The following ESPNL variants were observed in gnomAD, a reference collection of about 807,000 sequenced individuals.
ESPNL encodes the protein espin like, also known as espin-like protein.
Under a neutral mutation model 46.8 loss-of-function variants are expected in ESPNL, and 49 were observed. The observed-to-expected ratio is 1.05, with a 90% CI of 0.83 to 1.33. The LOEUF (loss-of-function observed/expected upper bound fraction) is 1.33. Among genes scored for constraint, ESPNL ranks in the 40% most tolerant of loss-of-function variants. ESPNL has a pLI of 0.00. For missense variants in ESPNL, 1,540 were observed against 1,436.6 expected, an observed-to-expected ratio of 1.07 and a Z score of -1.16; for synonymous variants, 664 against 662.1, an observed-to-expected ratio of 1.00 and a Z score of -0.04.
chr2:238,128,958 AG>A, intron 8 of ESPNL, 54 bp downstream of exon 8: 5 of 1,501,870 alleles, frequency 3.3e-6, no homozygotes, highest in Non-Finnish European at 4.4e-6. Flanking sequence ...TTTTCCAGGT[AG>A]GTGGAAGTGG....
intron 5 of ESPNL, among the ~76,000 whole-genome samples, chr2:238,122,761 G>A (rs372847550): frequency 1.3e-5 from 2 of 152,322 alleles, no homozygotes; most frequent in East Asian, 1.9e-4. Context: ...TCCCACTCCC[G>A]GCTTGGTCCT....
At chr2:238,128,960 G>T in intron 8 of ESPNL, 56 bp downstream of exon 8, 1 of 1,498,710 alleles carries the variant, frequency 6.7e-7, no homozygotes, top group Non-Finnish European at 8.9e-7. Flanking sequence ...TTCCAGGTAG[G>T]TGGAAGTGGA....
At chr2:238,129,033 T>C in intron 8 of ESPNL, 129 bp downstream of exon 8, 2 of 1,433,792 alleles carry the variant, frequency 1.4e-6, no homozygotes, top group East Asian at 2.5e-5. Flanking sequence ...CTCTGTGGCC[T>C]CAGCTGCTGC....
chr2:238,109,006 TC>T (rs1408716363), intron 4 of ESPNL, among the ~76,000 whole-genome samples: 2 of 151,686 alleles, frequency 1.3e-5, no homozygotes, highest in African/African-American at 4.8e-5. Flanking sequence ...CCTCTCACCA[TC>T]CCCCGTCCAC....
At chr2:238,124,699 ATGTGTG>A (rs140782945) in intron 5 of ESPNL, among the ~76,000 whole-genome samples, 1 of 64,222 alleles carries the variant, frequency 1.6e-5, no homozygotes, top group African/African-American at 6.6e-5. Context: ...GAGTACGTGC[ATGTGTG>A]TGCAGGAGAG....
intron 2 of ESPNL, among the ~76,000 whole-genome samples, chr2:238,103,488 C>T (rs1691530572): frequency 6.6e-6 from 1 of 152,186 alleles, no homozygotes. Context: ...CGCACACACG[C>T]ACACACAAAT....
Position 238,104,839 on chromosome 2 carries a change from G to T in ESPNL, c.669G>T (p.Trp223Cys). 2.0e-6 allele frequency: 3 copies of T among 1,500,870 alleles called. No individual in the cohort carries two copies. The highest frequency in any genetic ancestry group is 2.7e-6 in the Non-Finnish European group (3 of 1,122,134). 93.0% of individuals were successfully genotyped at this position (1,500,870 alleles called of 1,614,324 possible). A position where few individuals can be genotyped will look rare whatever the true frequency, so the allele number is the denominator to read the frequency against. ...AARGHYSLVV[W>C]LVTFTDIGLT... ...GTGGCCACTACTCCCTCGTCGTCTG[G>T]CTGGTAAGTGGGTGCCAGAGGTGGG... Residue 223 changes from tryptophan (W) to cysteine (C), a missense_variant, in exon 3 of 9, where the codon TGG (tryptophan) becomes TGT (cysteine). Transcript: ENST00000343063.
Position 238,129,125 on chromosome 2 carries a change from T to C in ESPNL, c.1413+221T>C, listed in dbSNP as rs577739103. 9.3e-6 allele frequency: 13 copies of C among 1,404,972 alleles called. No homozygotes were observed. The Admixed American group carries it at 1.5e-4, about 16-fold the overall frequency. 87.0% of individuals were successfully genotyped at this position (1,404,972 alleles called of 1,614,324 possible). A position where few individuals can be genotyped will look rare whatever the true frequency, so the allele number is the denominator to read the frequency against. On this transcript the variant is annotated intron_variant, in intron 8 of 8. Coordinates refer to ENST00000343063, the MANE Select transcript of ESPNL (RefSeq NM_194312.4). ...CTGCTCTGGAGGCATGGGTCCCACG[T>C]ATCCTTCCACTTGGCGGATTTGTGG...
chr2:238,131,311 T>G lies in ESPNL; in HGVS notation c.2597T>G (p.Leu866Arg). The G allele has an allele frequency of 6.3e-7, 1 of 1,584,934 alleles. No homozygotes were observed. The highest frequency in any genetic ancestry group is 8.6e-7 in the Non-Finnish European group (1 of 1,166,390). The change falls in exon 9 of 9, where the codon CTG becomes CGG. Residue 866 changes from leucine to arginine, a missense_variant. Leu to Arg is a moderately radical substitution (Grantham distance 102). Coordinates refer to ENST00000343063, the MANE Select transcript of ESPNL (RefSeq NM_194312.4). ...TTCATGCTGGGTTACTTCCAGCTGC[T>G]GGAGTGCGACCTGCCGGCGGAGGAG... ...DLFMLGYFQL[L>R]ECDLPAEERK... is the part of the protein sequence containing the mutation.
At position 238,102,102 on chromosome 2, in the gene ESPNL, C is replaced by T. The variant is rs1488171347; in HGVS notation, c.456C>T (p.Cys152=). The T allele has an allele frequency of 1.3e-6, 2 of 1,565,650 alleles. No individual in the cohort carries two copies. The highest frequency in any genetic ancestry group is 8.6e-7 in the Non-Finnish European group (1 of 1,156,494). ...CTGCCGTCAGTGGGGACCTGACCTG[C>T]CTCAAGCTCCTGACAGCCGCGCATG... ...HHAAVSGDLT[C]LKLLTAAHGS... Residue 152 remains cysteine (C), a synonymous_variant, in exon 2 of 9, where the codon TGC becomes TGT. Transcript: ENST00000343063.
intron 8 of ESPNL, chr2:238,129,250 G>A (rs1257420234): frequency 4.1e-6 from 5 of 1,206,580 alleles, no homozygotes; most frequent in Admixed American, 4.1e-5. Flanking sequence ...AGGTGTGTGG[G>A]GTGCGATTCC....
At chr2:238,116,343 G>C (rs1390184825) in intron 4 of ESPNL, among the ~76,000 whole-genome samples, 1 of 152,156 alleles carries the variant, frequency 6.6e-6, no homozygotes, top group African/African-American at 2.4e-5. Flanking sequence ...CTGGCCCCAA[G>C]TTGGCTGGGT....
Position 238,131,471 on chromosome 2 carries a change from C to T in ESPNL, c.2757C>T (p.Phe919=), listed in dbSNP as rs568253555. The change falls in exon 9 of 9, where the codon TTC becomes TTT. Residue 919 remains phenylalanine, a synonymous_variant. Transcript: ENST00000343063. Reference sequence around the variant, plus strand: ...GCCGCCGGGCCTGGACCGACGGCTTCGAGGACATCAAAGCCCGCTTCTTTG... The same window carrying T: ...GCCGCCGGGCCTGGACCGACGGCTTTGAGGACATCAAAGCCCGCTTCTTTG... ...AAGRRAWTDG[F]EDIKARFFGS... The T allele has an allele frequency of 1.5e-4, 241 of 1,611,598 alleles. No individual in the cohort carries two copies. The highest frequency in any genetic ancestry group is 1.3e-3 in the South Asian group (121 of 91,012).
chr2:238,105,305 T>A (rs1574727290), intron 3 of ESPNL, among the ~76,000 whole-genome samples: 1 of 151,312 alleles, frequency 6.6e-6, no homozygotes, highest in Non-Finnish European at 1.5e-5. Flanking sequence ...CAGAGCAGAG[T>A]GGCTGAGGTT....
intron 4 of ESPNL, among the ~76,000 whole-genome samples, chr2:238,115,941 G>A (rs754798571): frequency 6.6e-5 from 10 of 152,200 alleles, no homozygotes; most frequent in Non-Finnish European, 1.5e-4. Flanking sequence ...TCAAGTGCTG[G>A]GATTACGGGC....
Position 238,114,400 on chromosome 2 carries a change from C to T in ESPNL, c.856-2503C>T, listed in dbSNP as rs1691772717. On this transcript the variant is annotated intron_variant, in intron 4 of 8. Coordinates refer to ENST00000343063, the MANE Select transcript of ESPNL (RefSeq NM_194312.4). This position sits in a 1 kb window ranked among gnomAD's most constrained non-coding sequence, Gnocchi z 5.0. ...GGCCTCCTCTTCCCAGCAACAGCTC[C>T]TTGGGGACGCTCCGCCTCCACCCAC... Among the ~76,000 whole-genome samples the T allele has an allele frequency of 6.6e-6, 1 of 152,144 alleles. No individual in the cohort carries two copies. The highest frequency in any genetic ancestry group is 2.4e-5 in the African/African-American group (1 of 41,418).
chr2:238,123,466 C>T (rs1008947196), intron 5 of ESPNL, among the ~76,000 whole-genome samples: 2 of 152,112 alleles, frequency 1.3e-5, no homozygotes, highest in African/African-American at 2.4e-5. Flanking sequence ...CTGGGGATTC[C>T]TCTGGGTGGT....
intron 7 of ESPNL, 101 bp from the exon 8 acceptor site, chr2:238,128,606 G>C: frequency 8.6e-7 from 1 of 1,157,160 alleles, no homozygotes; most frequent in Non-Finnish European, 1.2e-6. Context: ...CCCTGTTAGC[G>C]TGCCCTGGGC....
At chr2:238,116,634 C>T (rs1472471633) in intron 4 of ESPNL, among the ~76,000 whole-genome samples, 1 of 152,314 alleles carries the variant, frequency 6.6e-6, no homozygotes, top group Non-Finnish European at 1.5e-5. Flanking sequence ...GGGGTCTGGA[C>T]GGGGCACCCT....
Sources: allele counts gnomAD v4.1 joint callset (sites outside exome capture counted in the v4.1 genomes callset), GRCh38; gene constraint gnomAD v4.1.1; non-coding constraint Gnocchi (gnomAD v3.1); transcripts MANE v1.5; gene names NCBI Gene and HGNC (gene_info 2026-07-23, HGNC 2026-07-21).